NUDT9: variants seen among roughly 807,000 people sequenced by gnomAD.
NUDT9 encodes the protein ADP-ribose pyrophosphatase.
A neutral mutation model predicts 41.0 loss-of-function variants in NUDT9; 31 were observed. The observed-to-expected ratio is 0.76, with a 90% CI of 0.57 to 1.02. The LOEUF (loss-of-function observed/expected upper bound fraction) is 1.02, where lower values mean the gene tolerates loss of function less well. Ranked by LOEUF, NUDT9 falls within the 50% of genes least tolerant of loss-of-function variation. The pLI, the probability that NUDT9 is intolerant of heterozygous loss-of-function variation, is 0.00. For synonymous variants in NUDT9, 146 were observed against 147.6 expected, an observed-to-expected ratio of 0.99 and a Z score of 0.08; for missense variants, 380 against 431.4, an observed-to-expected ratio of 0.88 and a Z score of 1.06.
chr4:87,433,537 A>G (rs908688200), intron 1 of NUDT9, among the ~76,000 whole-genome samples: 2 of 152,184 alleles, frequency 1.3e-5, no homozygotes, highest in Non-Finnish European at 2.9e-5. Flanking sequence ...ACCTTGGTCA[A>G]GTGGATATTT....
At chr4:87,427,005 A>G (rs1721457501) in intron 1 of NUDT9, among the ~76,000 whole-genome samples, 1 of 150,566 alleles carries the variant, frequency 6.6e-6, no homozygotes, top group Non-Finnish European at 1.5e-5. Flanking sequence ...CTATAGTCCC[A>G]CCTACTCAGG....
At chr4:87,443,743 T>C (rs1722320570) in intron 4 of NUDT9, among the ~76,000 whole-genome samples, 1 of 152,176 alleles carries the variant, frequency 6.6e-6, no homozygotes, top group Admixed American at 6.5e-5. Flanking sequence ...AGAAAAGGGT[T>C]TGTAGTAATA....
chr4:87,434,876 C>T (rs771802664), intron 1 of NUDT9, 105 bp from the exon 2 acceptor site: 52 of 1,002,474 alleles, frequency 5.2e-5, no homozygotes, highest in Non-Finnish European at 7.4e-5. Flanking sequence ...ACCTCGGCCT[C>T]ACAAAGTGCT....
At chr4:87,454,152 C>T (rs76475431) in intron 6 of NUDT9, among the ~76,000 whole-genome samples, 12 of 151,902 alleles carry the variant, frequency 7.9e-5, no homozygotes, top group South Asian at 4.2e-4. Flanking sequence ...CGTGAGCCAC[C>T]GCGCCCGGCT....
At chr4:87,455,948 C>T (rs1410487024) in intron 7 of NUDT9, among the ~76,000 whole-genome samples, 2 of 152,154 alleles carry the variant, frequency 1.3e-5, no homozygotes, top group Admixed American at 1.3e-4. Context: ...AGTCATGAGC[C>T]ACTGCGCCTG....
chr4:87,426,248 G>T (rs1721411617), intron 1 of NUDT9, among the ~76,000 whole-genome samples: 1 of 149,528 alleles, frequency 6.7e-6, no homozygotes, highest in Non-Finnish European at 1.5e-5. Context: ...TCCTGTGAAT[G>T]CATAAAACAT....
At chr4:87,457,694 A>G (rs1723048124) in intron 7 of NUDT9, 149 bp from the exon 8 acceptor site, 1 of 640,426 alleles carries the variant, frequency 1.6e-6, no homozygotes, top group Admixed American at 3.7e-5. Context: ...CATTCTGCTG[A>G]CCAGGGATGG....
In NUDT9 at chr4:87,441,713, G is replaced by C. The variant is rs1722208966; in HGVS notation, c.444-116G>C. On this transcript the variant is annotated intron_variant, in intron 3 of 7. Coordinates refer to ENST00000302174, the MANE Select transcript of NUDT9 (RefSeq NM_024047.5). ...CACCAGATATGTGATAGTTCCATTG[G>C]ATTTGTAAGGACTTATTCTGTCTTA... 3 of 804,140 alleles carry C rather than the reference G, an allele frequency of 3.7e-6. No individual in the cohort carries two copies. The African/African-American group carries it at 5.1e-5, about 14-fold the overall frequency. The allele number at this position is 804,140 out of a possible 1,614,324, so 49.8% of individuals were successfully genotyped here.
intron 6 of NUDT9, 33 bp downstream of exon 6, chr4:87,451,768 T>C (rs1722723761): frequency 6.3e-7 from 1 of 1,580,894 alleles, no homozygotes; most frequent in African/African-American, 1.4e-5. Context: ...GGGATTTAGT[T>C]CTGTGGATTG....
chr4:87,430,027 A>G (rs1356439658), intron 1 of NUDT9, among the ~76,000 whole-genome samples: 3 of 152,160 alleles, frequency 2.0e-5, no homozygotes, highest in Admixed American at 6.6e-5. Context: ...GGTTAAGGTT[A>G]AGGACTTTGA....
intron 3 of NUDT9, among the ~76,000 whole-genome samples, chr4:87,439,525 G>A (rs1347989657): frequency 4.6e-5 from 7 of 151,870 alleles, no homozygotes; most frequent in East Asian, 1.9e-4. Flanking sequence ...GCTTGGTGGC[G>A]GGTACCTGTA....
Position 87,437,249 on chromosome 4 carries a change from CA to C in NUDT9, c.348-1009del, listed in dbSNP as rs776722819. The stretch of plus-strand genomic sequence containing the variant: ...TGGGTGACAGAACGAGACTCCATCT[CA>C]AAAAAAAAAAAAAAAAAAGAAAGAA... On this transcript the variant is annotated intron_variant, in intron 2 of 7. Transcript: ENST00000302174. 4.9e-3 allele frequency among the ~76,000 whole-genome samples: 271 copies of C among 55,606 alleles called. 1 individual carries two copies. The highest frequency in any genetic ancestry group is 0.032 in the South Asian group (44 of 1,354). 36.5% of individuals were successfully genotyped at this position (55,606 alleles called of 152,430 possible).
At chr4:87,437,395 C>T (rs796108418) in intron 2 of NUDT9, among the ~76,000 whole-genome samples, 26 of 151,922 alleles carry the variant, frequency 1.7e-4, no homozygotes, top group Admixed American at 7.9e-4. Context: ...GGCTGGAGTG[C>T]AGTGGCGCCA....
chr4:87,430,483 T>C (rs1721638591), intron 1 of NUDT9, among the ~76,000 whole-genome samples: 1 of 152,214 alleles, frequency 6.6e-6, no homozygotes, highest in East Asian at 1.9e-4. Context: ...AATAGTACCA[T>C]ATTATAGGAC....
Position 87,457,895 on chromosome 4 carries a change from G to A in NUDT9, c.927G>A (p.Val309=), listed in dbSNP as rs756826235. ...MLEAGDDAGK[V]KWVDINDKLK... ...AAGCTGGAGATGATGCTGGAAAAGTGAAATGGGTGGACATCAATGATAAAC... is the reference window on the plus strand; with the variant it reads ...AAGCTGGAGATGATGCTGGAAAAGTAAAATGGGTGGACATCAATGATAAAC... Residue 309 remains valine (V), a synonymous_variant, in exon 8 of 8, where the codon GTG becomes GTA. Transcript: ENST00000302174. The A allele has an allele frequency of 2.2e-5, 36 of 1,610,778 alleles. No homozygotes were observed. The highest frequency in any genetic ancestry group is 3.0e-5 in the Non-Finnish European group (35 of 1,178,700).
chr4:87,457,212 T>C (rs2110195816), intron 7 of NUDT9, among the ~76,000 whole-genome samples: 1 of 151,578 alleles, frequency 6.6e-6, no homozygotes, highest in Middle Eastern at 3.4e-3. Flanking sequence ...GGAGCACTTA[T>C]TTTTTATTTT....
At chr4:87,444,137 G>C (rs1055132055) in intron 4 of NUDT9, among the ~76,000 whole-genome samples, 2 of 151,932 alleles carry the variant, frequency 1.3e-5, no homozygotes, top group Non-Finnish European at 2.9e-5. Flanking sequence ...CTGACCATCT[G>C]TCTCCCCACG....
intron 1 of NUDT9, among the ~76,000 whole-genome samples, chr4:87,428,283 A>C (rs1463835651): frequency 2.0e-5 from 3 of 152,196 alleles, no homozygotes; most frequent in Non-Finnish European, 2.9e-5. Flanking sequence ...GACACACAAG[A>C]ATAGGAAAGA....
rs1223194116 is a variant in NUDT9 at position 87,422,879 on chromosome 4, C to CA, written c.-26dup. 6.3e-7 allele frequency: 1 copy of CA among 1,586,834 alleles called. No homozygotes were observed. The highest frequency in any genetic ancestry group is 2.2e-5 in the East Asian group (1 of 44,610). On this transcript the variant is annotated 5_prime_UTR_variant, in exon 1 of 8. Transcript: ENST00000302174. ...GAGGCACCAACTAAGAGCGACCTAG[C>CA]ATCGCAAAGCCGCCCTCGGGGCGCT...
Sources: allele counts gnomAD v4.1 joint callset (sites outside exome capture counted in the v4.1 genomes callset), GRCh38; gene constraint gnomAD v4.1.1; transcripts MANE v1.5; gene names NCBI Gene and HGNC (gene_info 2026-07-23, HGNC 2026-07-21).